The following PSEN2 variants were observed in gnomAD, a reference collection of about 807,000 sequenced individuals.
The protein encoded by PSEN2 is presenilin-2.
A neutral mutation model predicts 49.1 loss-of-function variants in PSEN2; 32 were observed. The ratio of observed to expected loss-of-function variants is 0.65; its 90% CI spans 0.49 to 0.88. The LOEUF is 0.88. Among genes scored for constraint, PSEN2 ranks in the 40% least tolerant of loss-of-function variants. PSEN2 has a pLI of 0.00. For missense variants in PSEN2, 522 were observed against 586.9 expected (o/e 0.89, Z 1.14); for synonymous variants, 255 against 244.0 (o/e 1.05, Z -0.42).
intron 2 of PSEN2, among the ~76,000 whole-genome samples, chr1:226,874,578 A>T (rs1660510097): frequency 6.6e-6 from 1 of 152,184 alleles, no homozygotes. Flanking sequence ...CTGGTGGTTC[A>T]GCAGATCCGT....
intron 7 of PSEN2, among the ~76,000 whole-genome samples, chr1:226,888,427 A>G (rs1389589844): frequency 6.6e-6 from 1 of 152,168 alleles, no homozygotes; most frequent in East Asian, 1.9e-4. Context: ...TGTGAACCCC[A>G]GGGGGATAGA....
Position 226,895,921 on chromosome 1 carries a change from G to A in PSEN2, c.*342G>A. The A allele has an allele frequency of 4.9e-6, 2 of 404,326 alleles. No individual in the cohort carries two copies. Among genetic ancestry groups the A allele is most frequent in the Non-Finnish European group, 4.6e-6 (1 of 216,874 alleles). 25.0% of individuals were successfully genotyped at this position (404,326 alleles called of 1,614,324 possible). ...GCTCGGGAGTGGCCCCTGGCACCTG[G>A]GTGCTCTGGCTGGAGAGGAAAAGCC... On this transcript the variant is annotated 3_prime_UTR_variant, in exon 13 of 13. Transcript: ENST00000366783.
At position 226,893,962 on chromosome 1, in the gene PSEN2, C is replaced by T. The variant is rs1661929620; in HGVS notation, c.1073-45C>T. ...CCAGAGTTTCTCTTCTTTTTCCATTCTGTGCACGCCTCTTCAGTACGGGTT... is the reference window on the plus strand; with the variant it reads ...CCAGAGTTTCTCTTCTTTTTCCATTTTGTGCACGCCTCTTCAGTACGGGTT... On this transcript the variant is annotated intron_variant, in intron 11 of 12. Transcript: ENST00000366783. 6 of 1,507,892 alleles carry T rather than the reference C, an allele frequency of 4.0e-6. No homozygotes were observed. In the East Asian group the frequency reaches 1.4e-4, roughly 34 times the overall value. 93.4% of individuals were successfully genotyped at this position (1,507,892 alleles called of 1,614,324 possible).
chr1:226,891,152 G>A (rs957781692), intron 9 of PSEN2, 126 bp from the exon 10 acceptor site: 18 of 767,368 alleles, frequency 2.3e-5, no homozygotes, highest in Non-Finnish European at 2.0e-5. Flanking sequence ...TGGAGCATGA[G>A]CAGATACCTG....
downstream of PSEN2, among the ~76,000 whole-genome samples, chr1:226,901,656 C>T (rs74139857): frequency 0.017 from 2,610 of 152,172 alleles, 75 homozygotes; most frequent in African/African-American, 0.06. Flanking sequence ...TGACTAATGA[C>T]GTTGGGCACC....
At chr1:226,891,478 A>G (rs1057264288) in intron 10 of PSEN2, 117 bp downstream of exon 10, 4 of 961,906 alleles carry the variant, frequency 4.2e-6, no homozygotes, top group African/African-American at 3.3e-5. Flanking sequence ...GGCAGAGGGA[A>G]AGGTCCGTTG....
rs537889666 is a variant in PSEN2, at chr1:226,895,650, C to A, written c.*71C>A. ...GGATGCAGTTGTATAGTTTTACACT[C>A]TAGTGCCATATATTTTTAAGACTTT... On this transcript the variant is annotated 3_prime_UTR_variant, in exon 13 of 13. Transcript: ENST00000366783. The A allele has an allele frequency of 2.1e-5, 31 of 1,484,284 alleles. 1 individual carries two copies. The East Asian group carries it at 7.3e-4, about 35-fold the overall frequency. 91.9% of individuals were successfully genotyped at this position (1,484,284 alleles called of 1,614,324 possible).
At chr1:226,887,562 G>A (rs900519906) in intron 6 of PSEN2, among the ~76,000 whole-genome samples, 9 of 152,194 alleles carry the variant, frequency 5.9e-5, no homozygotes, top group African/African-American at 2.2e-4. Context: ...CTTTGGGTAG[G>A]AGGGGACTTC....
At chr1:226,891,121 C>G (rs966749005) in intron 9 of PSEN2, among the ~76,000 whole-genome samples, 157 bp from the exon 10 acceptor site, 4 of 152,188 alleles carry the variant, frequency 2.6e-5, no homozygotes, top group African/African-American at 9.7e-5. Context: ...CTGGACCCCT[C>G]CCACAACGGC....
At position 226,895,644 on chromosome 1, in the gene PSEN2, T is replaced by C; in HGVS notation, c.*65T>C. ...TTCATTGGATGCAGTTGTATAGTTTTACACTCTAGTGCCATATATTTTTAA... is the reference window on the plus strand; with the variant it reads ...TTCATTGGATGCAGTTGTATAGTTTCACACTCTAGTGCCATATATTTTTAA... On this transcript the variant is annotated 3_prime_UTR_variant, in exon 13 of 13. Transcript: ENST00000366783. 2 of 1,508,030 alleles carry C rather than the reference T, an allele frequency of 1.3e-6. No individual in the cohort carries two copies. The highest frequency in any genetic ancestry group is 1.8e-6 in the Non-Finnish European group (2 of 1,102,844). 93.4% of individuals were successfully genotyped at this position (1,508,030 alleles called of 1,614,324 possible).
intron 12 of PSEN2, among the ~76,000 whole-genome samples, chr1:226,894,992 C>G (rs7512986): frequency 0.038 from 5,714 of 152,314 alleles, 348 homozygotes; most frequent in African/African-American, 0.13. Flanking sequence ...CCCACACCTG[C>G]TTCCCAGGGG....
At chr1:226,883,951 GGTGAGGGCTGAGTT>G in intron 5 of PSEN2, 32 bp downstream of exon 5, 2 of 1,476,666 alleles carry the variant, frequency 1.4e-6, no homozygotes, top group Non-Finnish European at 1.9e-6. Flanking sequence ...AGCAGGGTGG[GGTGAGGGCTGAGTT>G]GCCAGGGGGT....
chr1:226,881,830 C>T, intron 3 of PSEN2, 58 bp from the exon 4 acceptor site: 4 of 1,608,178 alleles, frequency 2.5e-6, no homozygotes, highest in Admixed American at 1.7e-5. Context: ...CCCCTGAGTC[C>T]TCCACTGCCT....
intron 3 of PSEN2, chr1:226,880,388 TAAAA>T: frequency 1.4e-6 from 1 of 736,872 alleles, no homozygotes; most frequent in Admixed American, 3.6e-5. Context: ...GAAATAAAAA[TAAAA>T]AAAATCACAT....
chr1:226,890,327 G>A (rs991891877), intron 9 of PSEN2, among the ~76,000 whole-genome samples, 194 bp downstream of exon 9: 4 of 152,222 alleles, frequency 2.6e-5, no homozygotes, highest in Non-Finnish European at 5.9e-5. Context: ...ACAGGAAGCA[G>A]GCATCTGCTG....
At chr1:226,898,401 T>C (rs1274813537), downstream of PSEN2, 1 of 152,234 alleles carries the variant, frequency 6.6e-6, no homozygotes, top group African/African-American at 2.4e-5. Context: ...TTTGAGGAAG[T>C]ATTGGAATTC....
intron 12 of PSEN2, among the ~76,000 whole-genome samples, chr1:226,901,983 A>C (rs1662333261): frequency 6.6e-6 from 1 of 152,214 alleles, no homozygotes; most frequent in South Asian, 2.1e-4. Context: ...AAGACTCCTT[A>C]GAGTTTCTCC....
At chr1:226,900,525 G>C (rs369626131), downstream of PSEN2, among the ~76,000 whole-genome samples, 2 of 152,314 alleles carry the variant, frequency 1.3e-5, no homozygotes, top group East Asian at 3.9e-4. Flanking sequence ...GTGGTCACCC[G>C]CTGAGAAGGA....
chr1:226,885,758 C>A (rs1045136118), intron 6 of PSEN2, 79 bp downstream of exon 6: 3 of 1,569,074 alleles, frequency 1.9e-6, no homozygotes, highest in Non-Finnish European at 2.6e-6. Context: ...GTGAAACAGC[C>A]GCCTTTAGAA....
Sources: gnomAD v4.1 joint callset for allele counts (sites outside exome capture counted in the v4.1 genomes callset) on GRCh38, gnomAD v4.1.1 for gene constraint, MANE v1.5 for transcripts, NCBI Gene and HGNC (gene_info 2026-07-23, HGNC 2026-07-21) for gene names.